Variants in EPS8 observed in about 807,000 individuals in gnomAD.
The protein encoded by EPS8 is EGFR pathway substrate 8, signaling adaptor.
A neutral mutation model predicts 103.8 loss-of-function variants in EPS8; 42 were observed. The observed-to-expected ratio is 0.40, with a 90% CI of 0.32 to 0.52. EPS8 has a LOEUF of 0.52. EPS8 is among the 20% of genes least tolerant of loss of function. The pLI, the probability that EPS8 is intolerant of heterozygous loss-of-function variation, is 0.40. For synonymous variants in EPS8, 344 were observed against 344.6 expected, an observed-to-expected ratio of 1.00 and a Z score of 0.02; for missense variants, 969 against 1,005.1, an observed-to-expected ratio of 0.96 and a Z score of 0.49.
rs1046120542 is a variant in EPS8, at chr12:15,733,692, T to C, written c.-21-50720A>G. On this transcript the variant is annotated intron_variant, in intron 1 of 20. Coordinates refer to ENST00000281172, the MANE Select transcript of EPS8 (RefSeq NM_004447.6). The surrounding 1 kb of genome is among the most constrained non-coding windows in gnomAD (Gnocchi z 4.8). Reference sequence around the variant, plus strand: ...AAAAACAAACAAACAGAAAAACTAATGGAGATAGAAGAAATATCCATTCCA... The same window carrying C: ...AAAAACAAACAAACAGAAAAACTAACGGAGATAGAAGAAATATCCATTCCA... Among the ~76,000 whole-genome samples, 8 of 151,932 alleles carry C rather than the reference T, an allele frequency of 5.3e-5. No homozygotes were observed. The highest frequency in any genetic ancestry group is 2.0e-4 in the Admixed American group (3 of 15,254).
intron 9 of EPS8, 125 bp from the exon 10 acceptor site, chr12:15,660,865 T>G (rs920253274): frequency 1.6e-5 from 9 of 580,022 alleles, no homozygotes; most frequent in Non-Finnish European, 2.1e-5. Context: ...ATTTCAAGTT[T>G]ATTACTAATT....
chr12:15,774,297 G>T (rs1216293736), intron 1 of EPS8, among the ~76,000 whole-genome samples: 1 of 151,758 alleles, frequency 6.6e-6, no homozygotes, highest in Non-Finnish European at 1.5e-5. Flanking sequence ...CTGCAGAGAT[G>T]AATTTATATA....
intron 7 of EPS8, 49 bp downstream of exon 7, chr12:15,666,391 C>G (rs756419597): frequency 5.1e-5 from 71 of 1,398,582 alleles, no homozygotes; most frequent in Non-Finnish European, 6.8e-5. Flanking sequence ...GGGAAAAAAG[C>G]CTTAGAAACA....
chr12:15,670,712 C>A, intron 4 of EPS8, 144 bp downstream of exon 4: 1 of 551,104 alleles, frequency 1.8e-6, no homozygotes, highest in Non-Finnish European at 3.2e-6. Context: ...TATGTAATAT[C>A]TGTTTTAAAA....
intron 8 of EPS8, among the ~76,000 whole-genome samples, chr12:15,663,719 T>C (rs965280457): frequency 6.6e-6 from 1 of 150,588 alleles, no homozygotes; most frequent in African/African-American, 2.4e-5. Flanking sequence ...GGTCAGGAGA[T>C]CAAGACAATC....
intron 1 of EPS8, among the ~76,000 whole-genome samples, chr12:15,766,046 C>T (rs1947091677): frequency 6.6e-6 from 1 of 151,222 alleles, no homozygotes; most frequent in African/African-American, 2.4e-5. Context: ...AAACTCCTGA[C>T]CTGATGATCC....
chr12:15,725,233 G>C lies in EPS8; in HGVS notation c.-21-42261C>G, dbSNP rs1380329045. Among the ~76,000 whole-genome samples, 3 of 152,148 alleles carry C rather than the reference G, an allele frequency of 2.0e-5. No individual in the cohort carries two copies. Among genetic ancestry groups the C allele is most frequent in the Non-Finnish European group, 4.4e-5 (3 of 68,030 alleles). ...CAATTTCTACTCGTTTATGGGGACT[G>C]TCTGGAATTTTAGCAGCAATGTGCT... On this transcript the variant is annotated intron_variant, in intron 1 of 20. Coordinates refer to ENST00000281172, the MANE Select transcript of EPS8 (RefSeq NM_004447.6). This position sits in a 1 kb window ranked among gnomAD's most constrained non-coding sequence, Gnocchi z 4.5.
chr12:15,630,358 C>A (rs1945024267), intron 18 of EPS8, among the ~76,000 whole-genome samples: 1 of 151,960 alleles, frequency 6.6e-6, no homozygotes, highest in Admixed American at 6.6e-5. Context: ...GTTTAAAACA[C>A]CAAATTTGGA....
At chr12:15,756,175 C>A (rs1463838648) in intron 1 of EPS8, among the ~76,000 whole-genome samples, 1 of 152,108 alleles carries the variant, frequency 6.6e-6, no homozygotes, top group African/African-American at 2.4e-5. Flanking sequence ...TTCAGTCTAG[C>A]AGCAAGTAAC....
chr12:15,709,861 A>C (rs1407143528), intron 1 of EPS8, among the ~76,000 whole-genome samples: 1 of 152,206 alleles, frequency 6.6e-6, no homozygotes, highest in African/African-American at 2.4e-5. Flanking sequence ...AAACTGTTCC[A>C]CCTCAGATCA....
intron 1 of EPS8, among the ~76,000 whole-genome samples, chr12:15,766,383 C>T (rs190931298): frequency 9.2e-5 from 14 of 151,810 alleles, no homozygotes; most frequent in African/African-American, 3.1e-4. Flanking sequence ...GTCCCAGCTA[C>T]TTGGGAGGCT....
At position 15,695,929 on chromosome 12, in the gene EPS8, A is replaced by G. The variant is rs1946237126; in HGVS notation, c.-21-12957T>C. Among the ~76,000 whole-genome samples the G allele has an allele frequency of 1.3e-5, 2 of 152,160 alleles. No individual in the cohort carries two copies. The highest frequency in any genetic ancestry group is 6.5e-5 in the Admixed American group (1 of 15,282). On this transcript the variant is annotated intron_variant, in intron 1 of 20. Coordinates refer to ENST00000281172, the MANE Select transcript of EPS8 (RefSeq NM_004447.6). The surrounding 1 kb of genome is among the most constrained non-coding windows in gnomAD (Gnocchi z 5.0). The stretch of plus-strand genomic sequence containing the variant: ...GGCGGAGGTTGCAAAAAGAATAAAT[A>G]TGACAACTTCTGTTAATTTATTAAA...
intron 1 of EPS8, among the ~76,000 whole-genome samples, chr12:15,740,613 A>G (rs1422366720): frequency 6.6e-6 from 1 of 151,860 alleles, no homozygotes; most frequent in Non-Finnish European, 1.5e-5. Flanking sequence ...GAAGTTCCTG[A>G]GGCAAAAAGC....
At chr12:15,786,030 T>C (rs999488011) in intron 1 of EPS8, among the ~76,000 whole-genome samples, 2 of 151,926 alleles carry the variant, frequency 1.3e-5, no homozygotes, top group Non-Finnish European at 2.9e-5. Context: ...AAATAATTTA[T>C]ATAGATTTCT....
In EPS8 at chr12:15,666,484, A is replaced by G; in HGVS notation, c.555T>C (p.Ser185=). ...LISEDIESAI[S]DSKGGKQKRR... is the part of the protein sequence containing the mutation. ...TCTTCTGTTTCCCTCCTTTACTGTCACTGATTGCACTTTCAATATCTTCAC... is the reference window on the plus strand; with the variant it reads ...TCTTCTGTTTCCCTCCTTTACTGTCGCTGATTGCACTTTCAATATCTTCAC... Residue 185 remains serine (S), a synonymous_variant, in exon 7 of 21, where the codon AGT becomes AGC. Coordinates refer to ENST00000281172, the MANE Select transcript of EPS8 (RefSeq NM_004447.6). 1.2e-6 allele frequency: 2 copies of G among 1,613,728 alleles called. No individual in the cohort carries two copies. The highest frequency in any genetic ancestry group is 1.7e-6 in the Non-Finnish European group (2 of 1,179,776).
intron 15 of EPS8, among the ~76,000 whole-genome samples, chr12:15,643,585 CA>C (rs1447548544): frequency 6.6e-6 from 1 of 151,724 alleles, no homozygotes; most frequent in Non-Finnish European, 1.5e-5. Flanking sequence ...ACTAAAAATA[CA>C]AAATTAGCTG....
chr12:15,659,166 G>A (rs1009313257), intron 10 of EPS8, among the ~76,000 whole-genome samples: 1 of 152,118 alleles, frequency 6.6e-6, no homozygotes, highest in Non-Finnish European at 1.5e-5. Flanking sequence ...GAATGGAAGG[G>A]TAGATCAAGG....
Position 15,670,851 on chromosome 12 carries a change from C to T in EPS8, c.204+5G>A. ...TAAATACTAGCAAACACCAAAGCAT[C>T]TTACTTCAACACGGTATTGAGATAT... On this transcript the variant is annotated splice_donor_5th_base_variant and intron_variant, in intron 4 of 20. Transcript: ENST00000281172. The T allele has an allele frequency of 6.2e-7, 1 of 1,601,024 alleles. No homozygotes were observed. Among genetic ancestry groups the T allele is most frequent in the Non-Finnish European group, 8.6e-7 (1 of 1,169,522 alleles).
intron 4 of EPS8, 148 bp from the exon 5 acceptor site, chr12:15,669,973 T>C (rs1945787178): frequency 1.8e-6 from 1 of 558,358 alleles, no homozygotes; most frequent in Non-Finnish European, 2.9e-6. Context: ...TTCATGACTA[T>C]TTTAATGAGA....
Sources: allele counts gnomAD v4.1 joint callset (sites outside exome capture counted in the v4.1 genomes callset), GRCh38; gene constraint gnomAD v4.1.1; non-coding constraint Gnocchi (gnomAD v3.1); transcripts MANE v1.5; gene names NCBI Gene and HGNC (gene_info 2026-07-23, HGNC 2026-07-21).